SHANK2: variants seen among roughly 807,000 people sequenced by gnomAD.
The protein encoded by SHANK2 is SH3 and multiple ankyrin repeat domains 2.
A neutral mutation model predicts 133.7 loss-of-function variants in SHANK2; 43 were observed. The ratio of observed to expected loss-of-function variants is 0.32; its 90% CI spans 0.25 to 0.41. SHANK2 has a LOEUF of 0.41. SHANK2 is among the 10% of genes least tolerant of loss of function. The pLI is 1.00. For synonymous variants in SHANK2, 1,017 were observed against 952.8 expected, an observed-to-expected ratio of 1.07 and a Z score of -1.24; for missense variants, 1,994 against 2,235.8, an observed-to-expected ratio of 0.89 and a Z score of 2.18.
intron 17 of SHANK2, among the ~76,000 whole-genome samples, chr11:70,526,383 G>T (rs1469340322): frequency 6.6e-6 from 1 of 152,186 alleles, no homozygotes; most frequent in African/African-American, 2.4e-5. Context: ...GCTGGCTCTC[G>T]CTGGGTCACA....
At chr11:70,789,165 T>A (rs1947731882) in intron 14 of SHANK2, among the ~76,000 whole-genome samples, 1 of 152,150 alleles carries the variant, frequency 6.6e-6, no homozygotes, top group Non-Finnish European at 1.5e-5. Context: ...CTGGCACACA[T>A]GCTTCCCAGA....
chr11:70,741,584 C>T (rs1323537802), intron 14 of SHANK2, among the ~76,000 whole-genome samples: 6 of 152,190 alleles, frequency 3.9e-5, no homozygotes, highest in Non-Finnish European at 8.8e-5. Context: ...ACTCATTGTT[C>T]CCAGCTGCCT....
In SHANK2 at chr11:71,147,342, C is replaced by T. The variant is rs1555106941; in HGVS notation, c.-12-4G>A. 3 of 1,540,138 alleles carry T rather than the reference C, an allele frequency of 1.9e-6. No individual in the cohort carries two copies. Among genetic ancestry groups the T allele is most frequent in the Admixed American group, 2.0e-5 (1 of 50,688 alleles). ...TGCGCGGCATGGCTGCCTGTGTCTTCGAGGTGGGGAGAAGGAAGACAAAGA... is the reference window on the plus strand; with the variant it reads ...TGCGCGGCATGGCTGCCTGTGTCTTTGAGGTGGGGAGAAGGAAGACAAAGA... On this transcript the variant is annotated splice_polypyrimidine_tract_variant and splice_region_variant and intron_variant, in intron 2 of 25. Transcript: ENST00000601538.
intron 2 of SHANK2, among the ~76,000 whole-genome samples, chr11:71,153,652 C>T (rs1952845516): frequency 1.3e-5 from 2 of 152,170 alleles, no homozygotes; most frequent in East Asian, 1.9e-4. Context: ...AGTTGCAAAA[C>T]CTTTGTAAAC....
intron 14 of SHANK2, among the ~76,000 whole-genome samples, chr11:70,716,233 G>A (rs1183010492): frequency 6.6e-6 from 1 of 152,114 alleles, no homozygotes; most frequent in Non-Finnish European, 1.5e-5. Context: ...AGCATCTCCT[G>A]GCACGAGGTG....
At chr11:70,769,536 T>C (rs782070882) in intron 14 of SHANK2, among the ~76,000 whole-genome samples, 21 of 150,754 alleles carry the variant, frequency 1.4e-4, no homozygotes, top group African/African-American at 4.7e-4. Context: ...ACGTGATGCA[T>C]ACCTGGTGCA....
intron 18 of SHANK2, 43 bp downstream of exon 18, chr11:70,502,753 C>CCCGG: frequency 5.0e-6 from 7 of 1,390,630 alleles, no homozygotes; most frequent in African/African-American, 1.5e-5. Context: ...CCCCCCCCCC[C>CCCGG]AGTAGGGCCC....
intron 10 of SHANK2, among the ~76,000 whole-genome samples, chr11:70,898,937 C>T (rs907765955): frequency 7.2e-5 from 11 of 152,262 alleles, no homozygotes; most frequent in Admixed American, 6.5e-5. Context: ...AGAAGACTAT[C>T]GGACTTAATG....
At chr11:70,634,910 A>G (rs1260778493) in intron 17 of SHANK2, 2 of 152,246 alleles carry the variant, frequency 1.3e-5, no homozygotes, top group African/African-American at 4.8e-5. Context: ...ACATTTCTCC[A>G]AAGAAGAGAT....
At chr11:70,626,336 CACTG>C in intron 17 of SHANK2, among the ~76,000 whole-genome samples, 1 of 152,350 alleles carries the variant, frequency 6.6e-6, no homozygotes, top group Admixed American at 6.5e-5. Context: ...ACAATATCTG[CACTG>C]ACTATGGCAT....
In SHANK2 at chr11:70,929,256, G is replaced by A. The variant is rs576289953; in HGVS notation, c.1108-32689C>T. Among the ~76,000 whole-genome samples, 9 of 152,314 alleles carry A rather than the reference G, an allele frequency of 5.9e-5. No homozygotes were observed. In the East Asian group the frequency reaches 9.6e-4, roughly 16 times the overall value. ...CGAGGTTTAAATGTGGCTCTGCCCC[G>A]AGGCACTTACTACTCAACCTCGGTC... is the stretch of plus-strand genomic sequence containing the variant. On this transcript the variant is annotated intron_variant, in intron 10 of 25. Coordinates refer to ENST00000601538, the MANE Select transcript of SHANK2 (RefSeq NM_012309.5).
At chr11:70,527,253 G>A (rs1052303815) in intron 17 of SHANK2, among the ~76,000 whole-genome samples, 21 of 152,332 alleles carry the variant, frequency 1.4e-4, no homozygotes, top group Admixed American at 1.1e-3. Context: ...CAGGACTCCT[G>A]TAGTTAAAGC....
chr11:70,853,461 T>G (rs1555066241), intron 11 of SHANK2, among the ~76,000 whole-genome samples: 1 of 152,156 alleles, frequency 6.6e-6, no homozygotes, highest in East Asian at 1.9e-4. Context: ...GGACTGGTGC[T>G]CAGTTCTGGG....
intron 10 of SHANK2, among the ~76,000 whole-genome samples, chr11:70,924,677 A>G (rs1950402072): frequency 6.6e-6 from 1 of 152,030 alleles, no homozygotes; most frequent in South Asian, 2.1e-4. Context: ...GGCTGGTCTC[A>G]AACTCCTGAC....
chr11:70,697,584 T>C (rs2134478483), intron 15 of SHANK2, among the ~76,000 whole-genome samples: 1 of 152,362 alleles, frequency 6.6e-6, no homozygotes, highest in South Asian at 2.1e-4. Flanking sequence ...TGCCACCTTA[T>C]TGTACACTTT....
chr11:70,616,056 C>A (rs2060737516), intron 17 of SHANK2, among the ~76,000 whole-genome samples: 1 of 152,136 alleles, frequency 6.6e-6, no homozygotes, highest in South Asian at 2.1e-4. Context: ...GCCTTGGAAC[C>A]CATCCTCCCT....
At chr11:70,863,119 G>A (rs1949288423) in intron 11 of SHANK2, among the ~76,000 whole-genome samples, 3 of 152,288 alleles carry the variant, frequency 2.0e-5, no homozygotes, top group Admixed American at 6.5e-5. Flanking sequence ...TAGAGAAACC[G>A]TGAACACTGT....
chr11:71,148,539 A>AG (rs1401361718), intron 2 of SHANK2, among the ~76,000 whole-genome samples: 7 of 152,148 alleles, frequency 4.6e-5, no homozygotes, highest in African/African-American at 1.4e-4. Context: ...CTGGGGGAGG[A>AG]GGGGCCATGC....
intron 17 of SHANK2, among the ~76,000 whole-genome samples, chr11:70,640,276 TA>T (rs2134149720): frequency 6.6e-6 from 1 of 152,294 alleles, no homozygotes; most frequent in Non-Finnish European, 1.5e-5. Context: ...AGTGTCTTTA[TA>T]AGAGAGAGGC....
Sources: gnomAD v4.1 joint callset for allele counts (sites outside exome capture counted in the v4.1 genomes callset) on GRCh38, gnomAD v4.1.1 for gene constraint, MANE v1.5 for transcripts, NCBI Gene and HGNC (gene_info 2026-07-23, HGNC 2026-07-21) for gene names.